ANKRD44: variants seen among roughly 807,000 people sequenced by gnomAD.
The protein encoded by ANKRD44 is ankyrin repeat domain 44.
In ANKRD44, 35 loss-of-function variants were observed where a neutral mutation model predicts 116.0. The observed-to-expected ratio is 0.30, with a 90% CI of 0.23 to 0.40. ANKRD44 has a LOEUF of 0.40. ANKRD44 is among the 10% of genes least tolerant of loss of function. ANKRD44 has a pLI of 1.00. For missense variants in ANKRD44, 1,014 were observed against 1,242.6 expected, an observed-to-expected ratio of 0.82 and a Z score of 2.77; for synonymous variants, 435 against 461.8, an observed-to-expected ratio of 0.94 and a Z score of 0.74.
intron 1 of ANKRD44, among the ~76,000 whole-genome samples, chr2:197,267,257 G>A (rs965644755): frequency 2.0e-5 from 3 of 152,146 alleles, no homozygotes; most frequent in African/African-American, 7.2e-5. Flanking sequence ...TGCTCTCAGT[G>A]TCTTTTAAAA....
At chr2:197,141,982 GAC>G (rs2079378868) in intron 3 of ANKRD44, among the ~76,000 whole-genome samples, 1 of 152,296 alleles carries the variant, frequency 6.6e-6, no homozygotes, top group Admixed American at 6.5e-5. Context: ...TGCACTGAAG[GAC>G]ACAGTCTGCA....
rs73051396 is a variant in ANKRD44, at chr2:197,170,302, C to G, written c.111+16721G>C. On this transcript the variant is annotated intron_variant, in intron 2 of 27. Transcript: ENST00000282272. ...TCCCTTATGGCAGGAATTCTCAGAA[C>G]CTTTAATATGACAGTTACCTTGTAA... Among the ~76,000 whole-genome samples, 1,511 of 151,726 alleles carry G rather than the reference C, an allele frequency of 1.0e-2. 28 individuals carry two copies. Among genetic ancestry groups the G allele is most frequent in the African/African-American group, 0.035 (1,450 of 41,342 alleles).
chr2:197,155,606 G>T (rs2079789312), intron 2 of ANKRD44, among the ~76,000 whole-genome samples: 2 of 152,124 alleles, frequency 1.3e-5, no homozygotes, highest in South Asian at 4.1e-4. Flanking sequence ...GTCAACAAAT[G>T]GTCCTAGAAC....
intron 2 of ANKRD44, among the ~76,000 whole-genome samples, chr2:197,179,648 G>A (rs1360014092): frequency 6.6e-6 from 1 of 152,122 alleles, no homozygotes; most frequent in Non-Finnish European, 1.5e-5. Context: ...AGTATGTGAG[G>A]GTACAAATCA....
intron 20 of ANKRD44, among the ~76,000 whole-genome samples, chr2:197,007,276 GA>G (rs1559412249): frequency 1.3e-5 from 2 of 151,740 alleles, no homozygotes; most frequent in African/African-American, 2.4e-5. Flanking sequence ...TCATGATGCA[GA>G]AAAAAATGAA....
At chr2:197,011,297 T>C (rs1293082878) in intron 18 of ANKRD44, among the ~76,000 whole-genome samples, 1 of 152,214 alleles carries the variant, frequency 6.6e-6, no homozygotes, top group Non-Finnish European at 1.5e-5. Flanking sequence ...GTCATAATCA[T>C]AATAGTTCAA....
At chr2:197,153,865 GGAGA>G (rs946435581) in intron 2 of ANKRD44, among the ~76,000 whole-genome samples, 6 of 151,840 alleles carry the variant, frequency 4.0e-5, no homozygotes, top group East Asian at 1.9e-4. Context: ...GGTGGGGAAG[GGAGA>G]GAGAGAGAGA....
intron 16 of ANKRD44, among the ~76,000 whole-genome samples, chr2:197,041,397 C>A (rs1446940347): frequency 2.0e-5 from 3 of 152,178 alleles, no homozygotes; most frequent in Non-Finnish European, 2.9e-5. Context: ...CAGGCTCCCG[C>A]TTCCTGGGCA....
At chr2:197,107,088 T>C (rs1282037713) in intron 9 of ANKRD44, among the ~76,000 whole-genome samples, 3 of 152,198 alleles carry the variant, frequency 2.0e-5, no homozygotes, top group Non-Finnish European at 4.4e-5. Flanking sequence ...TTTGCCAGTT[T>C]AGAAGTATGC....
chr2:197,285,793 A>G (rs974894935), intron 1 of ANKRD44, among the ~76,000 whole-genome samples: 1 of 152,234 alleles, frequency 6.6e-6, no homozygotes, highest in African/African-American at 2.4e-5. Context: ...ACCTGTACAA[A>G]GCTTAAAGAG....
chr2:197,112,112 C>T (rs2078582556), intron 8 of ANKRD44, among the ~76,000 whole-genome samples: 1 of 152,064 alleles, frequency 6.6e-6, no homozygotes, highest in Non-Finnish European at 1.5e-5. Context: ...GAAAATATTA[C>T]TGTTATTTTA....
At chr2:197,204,804 G>T (rs2081170288) in intron 1 of ANKRD44, among the ~76,000 whole-genome samples, 1 of 152,178 alleles carries the variant, frequency 6.6e-6, no homozygotes, top group East Asian at 1.9e-4. Context: ...CCTTTGAAGG[G>T]ATATAGTACT....
intron 16 of ANKRD44, among the ~76,000 whole-genome samples, chr2:197,057,687 C>T (rs889583578): frequency 2.6e-5 from 4 of 152,088 alleles, no homozygotes; most frequent in Admixed American, 2.6e-4. Flanking sequence ...AAGATCCTGT[C>T]ACTACACAAA....
intron 2 of ANKRD44, among the ~76,000 whole-genome samples, chr2:197,154,305 A>G (rs993439768): frequency 2.6e-4 from 38 of 147,622 alleles, no homozygotes; most frequent in Admixed American, 1.7e-3. Context: ...TCAGCCTCCC[A>G]AGTAGCTGGG....
At chr2:197,054,827 T>C (rs2077173671) in intron 16 of ANKRD44, among the ~76,000 whole-genome samples, 1 of 152,172 alleles carries the variant, frequency 6.6e-6, no homozygotes, top group South Asian at 2.1e-4. Context: ...GATGCCATGG[T>C]AGTGAATGTT....
At chr2:197,048,431 C>T (rs1431178999) in intron 16 of ANKRD44, among the ~76,000 whole-genome samples, 1 of 152,160 alleles carries the variant, frequency 6.6e-6, no homozygotes, top group Non-Finnish European at 1.5e-5. Flanking sequence ...TGAGTGAGAA[C>T]ATGCGGTGTT....
intron 1 of ANKRD44, among the ~76,000 whole-genome samples, chr2:197,256,507 G>A (rs977862688): frequency 2.0e-5 from 3 of 152,080 alleles, no homozygotes; most frequent in Admixed American, 6.5e-5. Flanking sequence ...CAAAACCAAA[G>A]TGCATTTGTC....
intron 1 of ANKRD44, among the ~76,000 whole-genome samples, chr2:197,222,290 C>T (rs1463672981): frequency 6.6e-6 from 1 of 151,936 alleles, no homozygotes; most frequent in East Asian, 1.9e-4. Context: ...GGGAAGGAGG[C>T]TTCTAAACTT....
intron 16 of ANKRD44, among the ~76,000 whole-genome samples, chr2:197,027,054 T>C (rs185809693): frequency 3.4e-4 from 52 of 151,960 alleles, no homozygotes; most frequent in African/African-American, 1.1e-3. Flanking sequence ...TTGAGATGTT[T>C]ATAAAGCATC....
Sources: allele counts gnomAD v4.1 joint callset (sites outside exome capture counted in the v4.1 genomes callset), GRCh38; gene constraint gnomAD v4.1.1; transcripts MANE v1.5; gene names NCBI Gene and HGNC (gene_info 2026-07-23, HGNC 2026-07-21).